TLN2: variants seen among roughly 807,000 people sequenced by gnomAD.
TLN2 encodes the protein talin-2.
In TLN2, 118 loss-of-function variants were observed where a neutral mutation model predicts 294.7. That is an observed-to-expected ratio of 0.40 (90% CI 0.34 to 0.47). The LOEUF (loss-of-function observed/expected upper bound fraction) is 0.47. Among genes scored for constraint, TLN2 ranks in the 20% least tolerant of loss-of-function variants. The pLI, the probability that TLN2 is intolerant of heterozygous loss-of-function variation, is 0.84. For missense variants in TLN2, 3,083 were observed against 3,282.2 expected (o/e 0.94, Z 1.48); for synonymous variants, 1,431 against 1,304.5 (o/e 1.10, Z -2.09).
At chr15:62,686,471 C>G (rs76505482) in intron 11 of TLN2, among the ~76,000 whole-genome samples, 170 bp from the exon 12 acceptor site, 1,561 of 151,478 alleles carry the variant, frequency 0.01, 33 homozygotes, top group African/African-American at 0.036. Context: ...AGTTCCCATG[C>G]CTTTAGTTTA....
chr15:62,718,157 T>C (rs557200233), intron 24 of TLN2, among the ~76,000 whole-genome samples: 7 of 152,242 alleles, frequency 4.6e-5, no homozygotes, highest in South Asian at 2.1e-4. Flanking sequence ...TTGTTGCTCT[T>C]TTGTCTCTAT....
At chr15:62,539,053 A>G (rs1202975149) in intron 1 of TLN2, among the ~76,000 whole-genome samples, 2 of 152,258 alleles carry the variant, frequency 1.3e-5, no homozygotes, top group East Asian at 1.9e-4. Context: ...TGGAGTCTAA[A>G]TTTCAGGGCC....
chr15:62,724,492 G>C (rs1245244546), intron 26 of TLN2, among the ~76,000 whole-genome samples: 1 of 152,200 alleles, frequency 6.6e-6, no homozygotes, highest in African/African-American at 2.4e-5. Flanking sequence ...AAAATATTTT[G>C]TAATCTTCAG....
At chr15:62,816,776 A>G (rs185138130) in intron 52 of TLN2, among the ~76,000 whole-genome samples, 1 of 152,328 alleles carries the variant, frequency 6.6e-6, no homozygotes, top group Non-Finnish European at 1.5e-5. Flanking sequence ...ACCATTTAAC[A>G]ATGCCTATGG....
At chr15:62,835,853 T>C in intron 56 of TLN2, 38 bp from the exon 57 acceptor site, 1 of 1,614,116 alleles carries the variant, frequency 6.2e-7, no homozygotes, top group Non-Finnish European at 8.5e-7. Context: ...CTGAGGGAGG[T>C]TTGGGCCTTG....
At chr15:62,742,199 C>A (rs1229996530) in intron 32 of TLN2, among the ~76,000 whole-genome samples, 1 of 152,018 alleles carries the variant, frequency 6.6e-6, no homozygotes, top group East Asian at 1.9e-4. Flanking sequence ...AATTATCTTC[C>A]CATCTCATGC....
At chr15:62,662,587 A>T (rs1278628795) in intron 9 of TLN2, among the ~76,000 whole-genome samples, 2 of 152,214 alleles carry the variant, frequency 1.3e-5, no homozygotes, top group Admixed American at 1.3e-4. Flanking sequence ...AAATTCATTT[A>T]TTTAACAAAT....
At chr15:62,553,493 GA>G (rs201611065) in intron 1 of TLN2, among the ~76,000 whole-genome samples, 152 of 146,418 alleles carry the variant, frequency 1.0e-3, no homozygotes, top group South Asian at 4.1e-3. Flanking sequence ...TCAAAAAAAA[GA>G]AAAAAAAAAT....
Position 62,833,584 on chromosome 15 carries a change from C to G in TLN2, c.7083C>G (p.Val2361=). 1.2e-6 allele frequency: 2 copies of G among 1,614,134 alleles called. No individual in the cohort carries two copies. The highest frequency in any genetic ancestry group is 1.1e-5 in the South Asian group (1 of 91,064). ...KSIAAATSAL[V]KSASAAQREL... ...TTGCTGCTGCCACAAGCGCCCTGGT[C>G]AAATCGGCCTCAGCAGCCCAGAGGG... Residue 2361 remains valine (V), a synonymous_variant, in exon 55 of 59, where the codon GTC becomes GTG. Coordinates refer to ENST00000636159, the MANE Select transcript of TLN2 (RefSeq NM_015059.3).
At chr15:62,607,776 T>A (rs977408984) in intron 2 of TLN2, among the ~76,000 whole-genome samples, 1 of 152,158 alleles carries the variant, frequency 6.6e-6, no homozygotes, top group East Asian at 1.9e-4. Flanking sequence ...TGTGTATGTA[T>A]GCACATACAC....
At position 62,701,224 on chromosome 15, in the gene TLN2, G is replaced by T. The variant is rs113965589; in HGVS notation, c.1696+10G>T. 22 of 1,608,362 alleles carry T rather than the reference G, an allele frequency of 1.4e-5. 1 individual carries two copies. In the African/African-American group the frequency reaches 2.0e-4, roughly 15 times the overall value. ...GTTAACCTCACAGCTGGTAAGTCCC[G>T]GAGAGATTTGTGCTGCATTGGGGTT... On this transcript the variant is annotated intron_variant, in intron 17 of 58. Transcript: ENST00000636159.
chr15:62,546,891 A>G (rs1383273921), intron 1 of TLN2, among the ~76,000 whole-genome samples: 2 of 152,212 alleles, frequency 1.3e-5, no homozygotes, highest in Non-Finnish European at 2.9e-5. Context: ...GGCATGCTGC[A>G]TTTCTGTTGC....
chr15:62,560,398 T>TG (rs2042858247), intron 1 of TLN2, among the ~76,000 whole-genome samples: 1 of 152,052 alleles, frequency 6.6e-6, no homozygotes, highest in Non-Finnish European at 1.5e-5. Flanking sequence ...GGTGGAGTCT[T>TG]GGGGTATGGA....
intron 21 of TLN2, among the ~76,000 whole-genome samples, chr15:62,711,707 TG>T (rs2059441053): frequency 6.6e-6 from 1 of 152,220 alleles, no homozygotes; most frequent in Admixed American, 6.5e-5. Flanking sequence ...TGGCTGTGTT[TG>T]GGGAGCCGCA....
intron 32 of TLN2, 112 bp downstream of exon 32, chr15:62,740,881 T>G: frequency 7.1e-7 from 1 of 1,410,940 alleles, no homozygotes; most frequent in Admixed American, 2.0e-5. Context: ...GGTGCTGTCC[T>G]TAGGTCATGG....
chr15:62,823,821 G>A (rs1406862964), intron 54 of TLN2: 14 of 401,374 alleles, frequency 3.5e-5, no homozygotes, highest in Non-Finnish European at 5.9e-5. Context: ...TGTTAATGGC[G>A]CCGTTTCCAC....
intron 1 of TLN2, among the ~76,000 whole-genome samples, chr15:62,439,435 C>T (rs1227601975): frequency 6.6e-6 from 1 of 152,150 alleles, no homozygotes; most frequent in Non-Finnish European, 1.5e-5. Context: ...GCCTCAGCCT[C>T]CCAAGTAGCT....
At chr15:62,768,127 C>G (rs112152872) in intron 41 of TLN2, among the ~76,000 whole-genome samples, 2,983 of 152,250 alleles carry the variant, frequency 0.02, 28 homozygotes, top group African/African-American at 0.03. Flanking sequence ...GTGTGGGGCC[C>G]CAGATCAGCA....
chr15:62,621,962 G>A (rs1355936690), intron 3 of TLN2, among the ~76,000 whole-genome samples: 3 of 148,766 alleles, frequency 2.0e-5, no homozygotes, highest in Non-Finnish European at 4.5e-5. Flanking sequence ...TAGTGTAGAT[G>A]TCAGTTGTGC....
Sources: gnomAD v4.1 joint callset for allele counts (sites outside exome capture counted in the v4.1 genomes callset) on GRCh38, gnomAD v4.1.1 for gene constraint, MANE v1.5 for transcripts, NCBI Gene and HGNC (gene_info 2026-07-23, HGNC 2026-07-21) for gene names.